Variants in JARID2 observed in about 807,000 individuals in gnomAD.
JARID2 encodes the protein protein Jumonji.
A neutral mutation model predicts 125.6 loss-of-function variants in JARID2; 21 were observed. That is an observed-to-expected ratio of 0.17 (90% CI 0.12 to 0.24). JARID2 has a LOEUF of 0.24. Ranked by LOEUF, JARID2 falls within the 10% of genes least tolerant of loss-of-function variation. JARID2 has a pLI of 1.00. For missense variants in JARID2, 1,303 were observed against 1,639.6 expected (o/e 0.79, Z 3.55); for synonymous variants, 736 against 661.6 (o/e 1.11, Z -1.73).
chr6:15,311,122 C>T (rs771602847), intron 1 of JARID2, among the ~76,000 whole-genome samples: 30 of 152,120 alleles, frequency 2.0e-4, no homozygotes, highest in Non-Finnish European at 2.5e-4. Flanking sequence ...TTCCGCGTGG[C>T]GTATCAATGG....
chr6:15,512,184 C>A (rs756077952), intron 13 of JARID2, 24 bp from the exon 14 acceptor site: 2 of 1,606,914 alleles, frequency 1.2e-6, no homozygotes, highest in African/African-American at 2.7e-5. Context: ...GGAGGGGTGC[C>A]TCAGCCTGGC....
chr6:15,326,456 G>T (rs1011563130), intron 1 of JARID2, among the ~76,000 whole-genome samples: 3 of 152,172 alleles, frequency 2.0e-5, no homozygotes, highest in Non-Finnish European at 2.9e-5. Flanking sequence ...CTTCCAAAGT[G>T]CTGAGGTTAC....
chr6:15,433,490 C>T (rs1194396510), intron 3 of JARID2, among the ~76,000 whole-genome samples: 1 of 149,152 alleles, frequency 6.7e-6, no homozygotes, highest in Non-Finnish European at 1.5e-5. Context: ...TGGCGTGCAT[C>T]CTACCTAAGG....
At chr6:15,435,831 T>G (rs1251158768) in intron 3 of JARID2, among the ~76,000 whole-genome samples, 1 of 152,144 alleles carries the variant, frequency 6.6e-6, no homozygotes, top group Non-Finnish European at 1.5e-5. Context: ...AAATTTTTTT[T>G]TTTTTTAAAC....
At chr6:15,467,424 A>G (rs1768792545) in intron 4 of JARID2, among the ~76,000 whole-genome samples, 1 of 151,496 alleles carries the variant, frequency 6.6e-6, no homozygotes. Context: ...ACTGAAGGGG[A>G]TTTTGTTTGT....
At chr6:15,388,726 C>G (rs1392036281) in intron 2 of JARID2, among the ~76,000 whole-genome samples, 1 of 151,960 alleles carries the variant, frequency 6.6e-6, no homozygotes, top group African/African-American at 2.4e-5. Context: ...CATTGACATC[C>G]AAGGAGAGCT....
intron 2 of JARID2, among the ~76,000 whole-genome samples, chr6:15,398,015 C>T (rs1028424571): frequency 2.6e-5 from 4 of 152,092 alleles, no homozygotes; most frequent in East Asian, 1.9e-4. Context: ...AGCAAGGCCA[C>T]GGATGGATCT....
At chr6:15,282,599 TCTTCCTCTTC>T (rs150563376) in intron 1 of JARID2, among the ~76,000 whole-genome samples, 13,079 of 151,916 alleles carry the variant, frequency 0.086, 737 homozygotes, top group South Asian at 0.19. Context: ...CTCCTCTCTT[TCTTCCTCTTC>T]TCTTCTCTTT....
intron 3 of JARID2, among the ~76,000 whole-genome samples, chr6:15,441,342 T>C (rs7754755): frequency 3.3e-5 from 5 of 151,986 alleles, no homozygotes; most frequent in Admixed American, 2.6e-4. Context: ...CAGATTTTAG[T>C]GCAGGTCCTA....
intron 2 of JARID2, among the ~76,000 whole-genome samples, chr6:15,380,252 C>G (rs760537571): frequency 6.6e-6 from 1 of 152,048 alleles, no homozygotes; most frequent in South Asian, 2.1e-4. Flanking sequence ...CCAGGCTGGT[C>G]TCAAACTCCT....
intron 1 of JARID2, among the ~76,000 whole-genome samples, chr6:15,311,087 A>C (rs1005436330): frequency 2.0e-5 from 3 of 152,160 alleles, no homozygotes; most frequent in Admixed American, 2.0e-4. Flanking sequence ...ATAATTCTCT[A>C]ATAAGCTGTT....
chr6:15,247,137 C>A (rs1029162928), intron 1 of JARID2, among the ~76,000 whole-genome samples: 3 of 152,016 alleles, frequency 2.0e-5, no homozygotes, highest in Non-Finnish European at 4.4e-5. Context: ...CATGTTACAG[C>A]GAATGCATTT....
chr6:15,449,030 G>C (rs1767796933), intron 3 of JARID2, among the ~76,000 whole-genome samples: 1 of 151,870 alleles, frequency 6.6e-6, no homozygotes, highest in Non-Finnish European at 1.5e-5. Flanking sequence ...CAACCAAGCA[G>C]AAAACTGCTC....
intron 1 of JARID2, among the ~76,000 whole-genome samples, chr6:15,312,590 ATAG>A (rs1762052133): frequency 6.6e-6 from 1 of 152,142 alleles, no homozygotes; most frequent in African/African-American, 2.4e-5. Flanking sequence ...TAAATGCCAT[ATAG>A]ATGGAAGCAC....
chr6:15,412,440 CT>C (rs1379848099), intron 3 of JARID2, among the ~76,000 whole-genome samples: 1 of 152,150 alleles, frequency 6.6e-6, no homozygotes, highest in East Asian at 1.9e-4. Flanking sequence ...TCCTGAGTAG[CT>C]GGGATTACAG....
chr6:15,499,616 C>T lies in JARID2; in HGVS notation c.1946-1291C>T, dbSNP rs190968281. On this transcript the variant is annotated intron_variant, in intron 7 of 17. Coordinates refer to ENST00000341776, the MANE Select transcript of JARID2 (RefSeq NM_004973.4). ...CACCTGCCCTCGGAGGAAGAACTCC[C>T]GATTGTCAGCCAGAGCCACCGTGAG... Among the ~76,000 whole-genome samples the T allele has an allele frequency of 3.3e-3, 503 of 152,148 alleles. 3 individuals carry two copies. The highest frequency in any genetic ancestry group is 2.2e-3 in the Non-Finnish European group (147 of 68,020).
chr6:15,466,544 T>A (rs189418422), intron 4 of JARID2, among the ~76,000 whole-genome samples: 19 of 152,362 alleles, frequency 1.2e-4, no homozygotes, highest in Non-Finnish European at 2.5e-4. Flanking sequence ...GTTAGATCGA[T>A]AGTAAAATAA....
chr6:15,438,951 C>T (rs1767331152), intron 3 of JARID2, among the ~76,000 whole-genome samples: 1 of 151,080 alleles, frequency 6.6e-6, no homozygotes, highest in Non-Finnish European at 1.5e-5. Context: ...AGAATCGCTT[C>T]AACCCGGAAG....
chr6:15,388,360 A>AAAT (rs1764867973), intron 2 of JARID2, among the ~76,000 whole-genome samples: 1 of 152,082 alleles, frequency 6.6e-6, no homozygotes, highest in Non-Finnish European at 1.5e-5. Context: ...AAATTACCCT[A>AAAT]CAGTTCATAA....
Sources: allele counts gnomAD v4.1 joint callset (sites outside exome capture counted in the v4.1 genomes callset), GRCh38; gene constraint gnomAD v4.1.1; transcripts MANE v1.5; gene names NCBI Gene and HGNC (gene_info 2026-07-23, HGNC 2026-07-21).